The following LMBR1 variants were observed in gnomAD, a reference collection of about 807,000 sequenced individuals.
LMBR1 encodes limb development membrane protein 1, also known as limb region 1 protein homolog.
Under a neutral mutation model 73.9 loss-of-function variants are expected in LMBR1, and 52 were observed. The observed-to-expected ratio is 0.70, with a 90% CI of 0.56 to 0.89. The LOEUF (loss-of-function observed/expected upper bound fraction) is 0.89. LMBR1 is among the 40% of genes least tolerant of loss of function. The probability of loss-of-function intolerance (pLI) is 0.00; values close to 1 mark genes in which losing one functional copy is unlikely to be tolerated. For synonymous variants in LMBR1, 215 were observed against 209.4 expected (o/e 1.03, Z -0.23); for missense variants, 539 against 579.8 (o/e 0.93, Z 0.72).
Position 156,681,031 on chromosome 7 carries a change from C to T in LMBR1, c.*3047G>A, listed in dbSNP as rs1804931556. On this transcript the variant is annotated 3_prime_UTR_variant, in exon 17 of 17. Coordinates refer to ENST00000353442, the MANE Select transcript of LMBR1 (RefSeq NM_022458.4). Reference sequence around the variant, plus strand: ...TCCAAATGTTATTTTTAAAAGTTAACATTATACCAGTTTTTTCAAGTTTAA... The same window carrying T: ...TCCAAATGTTATTTTTAAAAGTTAATATTATACCAGTTTTTTCAAGTTTAA... 1 of 383,308 alleles carries T rather than the reference C, an allele frequency of 2.6e-6. No individual in the cohort carries two copies. Among genetic ancestry groups the T allele is most frequent in the African/African-American group, 2.2e-5 (1 of 45,802 alleles). 23.7% of individuals were successfully genotyped at this position (383,308 alleles called of 1,614,324 possible). A position where few individuals can be genotyped will look rare whatever the true frequency, so the allele number is the denominator to read the frequency against.
intron 4 of LMBR1, chr7:156,823,810 G>C (rs1209433966): frequency 1.3e-5 from 2 of 152,268 alleles, no homozygotes; most frequent in African/African-American, 4.8e-5. Flanking sequence ...CACACATGCA[G>C]CCGGGCACGG....
intron 5 of LMBR1, among the ~76,000 whole-genome samples, chr7:156,769,725 A>T (rs750997364): frequency 3.3e-4 from 50 of 152,338 alleles, no homozygotes; most frequent in Non-Finnish European, 6.5e-4. Flanking sequence ...CCCTGCTCCC[A>T]AGTCTTATGG....
Position 156,669,079 on chromosome 7 carries a change from A to G in LMBR1, n.1075T>C, listed in dbSNP as rs906899938. 4 of 152,234 alleles carry G rather than the reference A, an allele frequency of 2.6e-5. No individual in the cohort carries two copies. Among genetic ancestry groups the G allele is most frequent in the Admixed American group, 1.3e-4 (2 of 15,290 alleles). 9.4% of individuals were successfully genotyped at this position (152,234 alleles called of 1,614,324 possible). A position where few individuals can be genotyped will look rare whatever the true frequency, so the allele number is the denominator to read the frequency against. ...ATATAAATTAGACTCAACTGCATGAAAAGTCTATGCGAACTGCTTTCATGG... is the reference window on the plus strand; with the variant it reads ...ATATAAATTAGACTCAACTGCATGAGAAGTCTATGCGAACTGCTTTCATGG... On this transcript the variant is annotated non_coding_transcript_exon_variant, in exon 5 of 5. Coordinates refer to the LMBR1 transcript ENST00000430825. This position sits in a 1 kb window ranked among gnomAD's most constrained non-coding sequence, Gnocchi z 4.2.
chr7:156,758,391 T>C (rs1822302151), intron 8 of LMBR1, among the ~76,000 whole-genome samples: 1 of 152,244 alleles, frequency 6.6e-6, no homozygotes, highest in Non-Finnish European at 1.5e-5. Flanking sequence ...ACCACGGGTA[T>C]GTCTTAGTGT....
chr7:156,885,109 G>A (rs1801668471), intron 1 of LMBR1, among the ~76,000 whole-genome samples: 2 of 152,194 alleles, frequency 1.3e-5, no homozygotes, highest in Non-Finnish European at 2.9e-5. Context: ...CCAGCACTTT[G>A]CGAGGCCGAG....
Position 156,683,832 on chromosome 7 carries a change from C to T in LMBR1, c.*246G>A, listed in dbSNP as rs745661512. 37 of 397,312 alleles carry T rather than the reference C, an allele frequency of 9.3e-5. No homozygotes were observed. The highest frequency in any genetic ancestry group is 6.3e-4 in the Middle Eastern group (1 of 1,580). The allele number at this position is 397,312 out of a possible 1,614,324, so 24.6% of individuals were successfully genotyped here. A position where few individuals can be genotyped will look rare whatever the true frequency, so the allele number is the denominator to read the frequency against. ...ATGAGCAAATGTCTACAGAAGAATG[C>T]GCTGTTCTATATGTCTGTAAGGAAT... is the stretch of plus-strand genomic sequence containing the variant. On this transcript the variant is annotated 3_prime_UTR_variant, in exon 17 of 17. Coordinates refer to ENST00000353442, the MANE Select transcript of LMBR1 (RefSeq NM_022458.4).
At chr7:156,813,222 C>T (rs1833392351) in intron 4 of LMBR1, among the ~76,000 whole-genome samples, 2 of 152,284 alleles carry the variant, frequency 1.3e-5, no homozygotes, top group South Asian at 4.1e-4. Flanking sequence ...CCACACCTGG[C>T]CTAATTTTTC....
chr7:156,676,310 T>A, downstream of LMBR1: 6 of 1,610,516 alleles, frequency 3.7e-6, no homozygotes, highest in Non-Finnish European at 5.1e-6. Context: ...AACTTCCGCA[T>A]GTTTCGAAGA....
intron 4 of LMBR1, among the ~76,000 whole-genome samples, chr7:156,819,919 AT>A (rs1320976287): frequency 6.6e-6 from 1 of 152,200 alleles, no homozygotes; most frequent in Non-Finnish European, 1.5e-5. Context: ...GAGGGCTATT[AT>A]GGTGGGAAAG....
At chr7:156,890,547 C>T (rs183616219) in intron 1 of LMBR1, among the ~76,000 whole-genome samples, 17 of 152,070 alleles carry the variant, frequency 1.1e-4, no homozygotes, top group South Asian at 2.1e-4. Context: ...AAAATTTGAC[C>T]CTTCACAAGA....
At chr7:156,856,722 AAAAG>A (rs1797028227) in intron 1 of LMBR1, among the ~76,000 whole-genome samples, 2 of 152,122 alleles carry the variant, frequency 1.3e-5, no homozygotes, top group Admixed American at 6.5e-5. Flanking sequence ...AAAAAAAAAG[AAAAG>A]AAAGATCATT....
Position 156,748,995 on chromosome 7 carries a change from C to T in LMBR1, c.757+7398G>A, listed in dbSNP as rs112200364. On this transcript the variant is annotated intron_variant, in intron 9 of 16. Transcript: ENST00000353442. ...TTTTATTGTCATAAATTGTGAATAA[C>T]GGCCCAAGAAGCTGAATAAATTATA... Among the ~76,000 whole-genome samples the T allele has an allele frequency of 7.6e-3, 1,159 of 152,170 alleles. 15 individuals carry two copies. The highest frequency in any genetic ancestry group is 0.026 in the African/African-American group (1,089 of 41,500).
At chr7:156,810,339 G>GC (rs1405460354) in intron 4 of LMBR1, among the ~76,000 whole-genome samples, 1 of 152,062 alleles carries the variant, frequency 6.6e-6, no homozygotes, top group Non-Finnish European at 1.5e-5. Context: ...TGGGGGATCT[G>GC]CCCCACTGGC....
chr7:156,738,964 T>C (rs1416290367), intron 9 of LMBR1, among the ~76,000 whole-genome samples: 1 of 152,154 alleles, frequency 6.6e-6, no homozygotes, highest in Non-Finnish European at 1.5e-5. Context: ...TAAAGAGTAC[T>C]TTGTCTTGCA....
At chr7:156,711,674 T>C (rs1233589120) in intron 15 of LMBR1, among the ~76,000 whole-genome samples, 2 of 152,048 alleles carry the variant, frequency 1.3e-5, no homozygotes, top group South Asian at 4.1e-4. Flanking sequence ...TGGAACAGAA[T>C]GGAGAACCCA....
intron 3 of LMBR1, among the ~76,000 whole-genome samples, chr7:156,829,498 G>C (rs1465569227): frequency 3.3e-5 from 5 of 152,212 alleles, no homozygotes; most frequent in Admixed American, 3.3e-4. Context: ...CTTGCACCAT[G>C]AGTAAACGCT....
intron 5 of LMBR1, among the ~76,000 whole-genome samples, chr7:156,769,972 C>T (rs1236305432): frequency 1.3e-5 from 2 of 152,168 alleles, no homozygotes; most frequent in African/African-American, 2.4e-5. Flanking sequence ...GGAATGCTTA[C>T]GGCCCATGCA....
intron 1 of LMBR1, among the ~76,000 whole-genome samples, chr7:156,863,923 GT>G (rs1310569282): frequency 1.3e-5 from 2 of 152,138 alleles, no homozygotes; most frequent in Admixed American, 1.3e-4. Flanking sequence ...GCCAAGGTGG[GT>G]GGATCACTTG....
In LMBR1 at chr7:156,721,921, C is replaced by T. The variant is rs578191662; in HGVS notation, c.1225+2191G>A. Among the ~76,000 whole-genome samples the T allele has an allele frequency of 1.3e-4, 20 of 152,034 alleles. No individual in the cohort carries two copies. The South Asian group carries it at 4.1e-3, about 32-fold the overall frequency. On this transcript the variant is annotated intron_variant, in intron 15 of 16. Coordinates refer to ENST00000353442, the MANE Select transcript of LMBR1 (RefSeq NM_022458.4). Reference sequence around the variant, plus strand: ...GTCATATCACACCATGTACTTAAATCTAAAGCCTGCGATGCATCAACAATA... The same window carrying T: ...GTCATATCACACCATGTACTTAAATTTAAAGCCTGCGATGCATCAACAATA...
Sources: allele counts gnomAD v4.1 joint callset (sites outside exome capture counted in the v4.1 genomes callset), GRCh38; gene constraint gnomAD v4.1.1; non-coding constraint Gnocchi (gnomAD v3.1); transcripts MANE v1.5; gene names NCBI Gene and HGNC (gene_info 2026-07-23, HGNC 2026-07-21).